HOMER1: variants seen among roughly 807,000 people sequenced by gnomAD.
HOMER1 encodes the protein homer scaffold protein 1, also known as homer protein homolog 1.
A neutral mutation model predicts 48.9 loss-of-function variants in HOMER1; 3 were observed. The ratio of observed to expected loss-of-function variants is 0.06; its 90% CI spans 0.03 to 0.16. The LOEUF (loss-of-function observed/expected upper bound fraction) is 0.16, where lower values mean the gene tolerates loss of function less well. Among genes scored for constraint, HOMER1 ranks in the 10% least tolerant of loss-of-function variants. The pLI is 1.00. For missense variants in HOMER1, 247 were observed against 411.4 expected (o/e 0.60, Z 3.46); for synonymous variants, 134 against 146.4 (o/e 0.92, Z 0.61).
intron 5 of HOMER1, among the ~76,000 whole-genome samples, chr5:79,422,856 A>G (rs1206854165): frequency 2.0e-5 from 3 of 147,956 alleles, no homozygotes; most frequent in Non-Finnish European, 4.5e-5. Context: ...TGGCTAGTCA[A>G]GTAAAACAGT....
intron 5 of HOMER1, among the ~76,000 whole-genome samples, chr5:79,432,606 AAC>A (rs1328516431): frequency 1.3e-5 from 2 of 152,222 alleles, no homozygotes; most frequent in African/African-American, 4.8e-5. Context: ...AGCAAATTTT[AAC>A]ACTTTCCTCA....
At chr5:79,451,524 C>T (rs1295568665) in intron 2 of HOMER1, among the ~76,000 whole-genome samples, 3 of 125,332 alleles carry the variant, frequency 2.4e-5, no homozygotes, top group Non-Finnish European at 5.0e-5. Flanking sequence ...AAGAATCTTT[C>T]AAAAATGAAA....
chr5:79,461,083 C>A (rs2112308878), intron 1 of HOMER1, among the ~76,000 whole-genome samples: 1 of 152,246 alleles, frequency 6.6e-6, no homozygotes. Context: ...ACCAGGCTGG[C>A]ATGCAGAGTT....
intron 3 of HOMER1, 100 bp downstream of exon 3, chr5:79,450,890 A>G: frequency 1.7e-6 from 2 of 1,152,122 alleles, no homozygotes; most frequent in Non-Finnish European, 2.4e-6. Context: ...AATATTAAAT[A>G]AATTTCTCCT....
rs377706309 is a variant in HOMER1, at chr5:79,440,932, C to T, written c.388-1783G>A. Among the ~76,000 whole-genome samples, 6 of 152,160 alleles carry T rather than the reference C, an allele frequency of 3.9e-5. No individual in the cohort carries two copies. The East Asian group carries it at 7.7e-4, about 20-fold the overall frequency. Reference sequence around the variant, plus strand: ...GTAATCCTTGGGAGGCCAAGGCAGGCGGATCACCTGAGGTCAGGAGTTCAA... The same window carrying T: ...GTAATCCTTGGGAGGCCAAGGCAGGTGGATCACCTGAGGTCAGGAGTTCAA... On this transcript the variant is annotated intron_variant, in intron 4 of 8. Transcript: ENST00000334082.
At chr5:79,384,117 A>G (rs2112194510) in intron 8 of HOMER1, among the ~76,000 whole-genome samples, 1 of 151,710 alleles carries the variant, frequency 6.6e-6, no homozygotes, top group East Asian at 1.9e-4. Context: ...GCAAAAAAAA[A>G]AAAACCACCA....
intron 5 of HOMER1, among the ~76,000 whole-genome samples, chr5:79,431,119 T>A (rs1323499055): frequency 6.6e-6 from 1 of 152,014 alleles, no homozygotes; most frequent in Non-Finnish European, 1.5e-5. Context: ...TCACTTGAGG[T>A]CAGGAGTTCG....
At chr5:79,508,955 G>A (rs1468356272) in intron 1 of HOMER1, among the ~76,000 whole-genome samples, 1 of 152,188 alleles carries the variant, frequency 6.6e-6, no homozygotes, top group African/African-American at 2.4e-5. Context: ...AACAAATGAC[G>A]AATTAAGGAC....
At chr5:79,429,215 GGGT>G (rs1423321871) in intron 5 of HOMER1, among the ~76,000 whole-genome samples, 1 of 152,130 alleles carries the variant, frequency 6.6e-6, no homozygotes, top group African/African-American at 2.4e-5. Flanking sequence ...AATTAGCTGG[GGGT>G]GGTGGCGCAT....
intron 1 of HOMER1, among the ~76,000 whole-genome samples, chr5:79,494,336 G>A (rs929349355): frequency 1.3e-5 from 2 of 152,158 alleles, no homozygotes; most frequent in African/African-American, 4.8e-5. Flanking sequence ...ATATCTCAAG[G>A]TTCCTTCAAT....
chr5:79,446,419 C>T (rs568077362), intron 4 of HOMER1, among the ~76,000 whole-genome samples: 346 of 152,286 alleles, frequency 2.3e-3, no homozygotes, highest in African/African-American at 8.0e-3. Context: ...CTAGGACCAG[C>T]AAGTATAATA....
In HOMER1 at chr5:79,500,926, T is replaced by TG. The variant is rs1194954902; in HGVS notation, c.5+11843_5+11844insC. ...AGGCGTGAGCCACTGCACCCAGCCA[T>TG]TTGTGTGTGTGTGTGTGTGTGTGTG... is the stretch of plus-strand genomic sequence containing the variant. On this transcript the variant is annotated intron_variant, in intron 1 of 8. Transcript: ENST00000334082. 1.8e-3 allele frequency among the ~76,000 whole-genome samples: 174 copies of TG among 97,488 alleles called. 1 individual carries two copies. Among genetic ancestry groups the TG allele is most frequent in the African/African-American group, 0.01 (169 of 16,514 alleles). The allele number at this position is 97,488 out of a possible 152,430, so 64.0% of individuals were successfully genotyped here.
chr5:79,423,649 C>T (rs887596519), intron 5 of HOMER1, among the ~76,000 whole-genome samples: 1 of 152,008 alleles, frequency 6.6e-6, no homozygotes, highest in Non-Finnish European at 1.5e-5. Flanking sequence ...ATTATAAAGG[C>T]AGTACTAAGT....
chr5:79,449,470 T>C (rs1750974714), intron 3 of HOMER1, among the ~76,000 whole-genome samples: 1 of 135,844 alleles, frequency 7.4e-6, no homozygotes, highest in South Asian at 2.5e-4. Flanking sequence ...AAATGATATT[T>C]GTTTGTTGTT....
intron 1 of HOMER1, among the ~76,000 whole-genome samples, chr5:79,503,736 A>G (rs1752672157): frequency 6.6e-6 from 1 of 151,978 alleles, no homozygotes; most frequent in Non-Finnish European, 1.5e-5. Flanking sequence ...AAAAAAAAAA[A>G]AAAAGAAAGA....
intron 1 of HOMER1, among the ~76,000 whole-genome samples, chr5:79,499,137 T>G (rs141795956): frequency 6.6e-6 from 1 of 152,162 alleles, no homozygotes; most frequent in East Asian, 1.9e-4. Context: ...CCCAGCCAAG[T>G]CTCCACTTTT....
intron 8 of HOMER1, among the ~76,000 whole-genome samples, chr5:79,382,319 CCAAA>C (rs1241451779): frequency 1.3e-5 from 2 of 151,932 alleles, no homozygotes; most frequent in Non-Finnish European, 2.9e-5. Flanking sequence ...TCTGAGATCC[CCAAA>C]CAGATAAAAT....
chr5:79,398,599 A>T (rs1264337976), intron 6 of HOMER1, among the ~76,000 whole-genome samples: 1 of 152,116 alleles, frequency 6.6e-6, no homozygotes, highest in Non-Finnish European at 1.5e-5. Context: ...GGACTTAATT[A>T]TAATCTTTTT....
chr5:79,431,095 C>A (rs1750411596), intron 5 of HOMER1, among the ~76,000 whole-genome samples: 1 of 152,132 alleles, frequency 6.6e-6, no homozygotes, highest in Non-Finnish European at 1.5e-5. Flanking sequence ...CTTTGGGAAG[C>A]CAAGGTGGGC....
Sources: gnomAD v4.1 joint callset for allele counts (sites outside exome capture counted in the v4.1 genomes callset) on GRCh38, gnomAD v4.1.1 for gene constraint, MANE v1.5 for transcripts, NCBI Gene and HGNC (gene_info 2026-07-23, HGNC 2026-07-21) for gene names.